DGKA: variants seen among roughly 807,000 people sequenced by gnomAD.
The protein encoded by DGKA is diacylglycerol kinase alpha, also known as 80 kDa diacylglycerol kinase.
Under a neutral mutation model 105.0 loss-of-function variants are expected in DGKA, and 35 were observed. That is an observed-to-expected ratio of 0.33 (90% confidence interval 0.25 to 0.44). The LOEUF (loss-of-function observed/expected upper bound fraction) is 0.44, where lower values mean the gene tolerates loss of function less well. DGKA is among the 20% of genes least tolerant of loss of function. The probability of loss-of-function intolerance (pLI) is 1.00; values close to 1 mark genes in which losing one functional copy is unlikely to be tolerated. For missense variants in DGKA, 665 were observed against 915.0 expected, an observed-to-expected ratio of 0.73 and a Z score of 3.53; for synonymous variants, 296 against 332.0, an observed-to-expected ratio of 0.89 and a Z score of 1.18.
intron 1 of DGKA, among the ~76,000 whole-genome samples, chr12:55,934,616 C>G (rs1884288479): frequency 6.6e-6 from 1 of 152,204 alleles, no homozygotes; most frequent in Non-Finnish European, 1.5e-5. Flanking sequence ...CCAACAAGCC[C>G]TAAATGAGTG....
chr12:55,933,184 C>G (rs1314283185), intron 1 of DGKA, among the ~76,000 whole-genome samples: 1 of 152,208 alleles, frequency 6.6e-6, no homozygotes, highest in Non-Finnish European at 1.5e-5. Flanking sequence ...GGATGGGTGT[C>G]TAGAGTCTGA....
intron 17 of DGKA, among the ~76,000 whole-genome samples, chr12:55,942,985 A>G (rs1886325996): frequency 6.6e-6 from 1 of 152,188 alleles, no homozygotes; most frequent in Non-Finnish European, 1.5e-5. Flanking sequence ...ACTGTAAGTC[A>G]TTCATCATGA....
At chr12:55,944,975 T>C (rs1565752260) in intron 17 of DGKA, among the ~76,000 whole-genome samples, 1 of 152,084 alleles carries the variant, frequency 6.6e-6, no homozygotes, top group African/African-American at 2.4e-5. Context: ...AATTTTTGTA[T>C]TTTAAGTGGA....
In DGKA at chr12:55,940,821, A is replaced by G. The variant is rs778152530; in HGVS notation, c.1018-76A>G. The G allele has an allele frequency of 6.3e-7, 1 of 1,596,774 alleles. No individual in the cohort carries two copies. The highest frequency in any genetic ancestry group is 1.7e-5 in the Admixed American group (1 of 59,744). On this transcript the variant is annotated intron_variant, in intron 12 of 23. Transcript: ENST00000331886. This position sits in a 1 kb window ranked among gnomAD's most constrained non-coding sequence, Gnocchi z 4.3. ...AGAATAGAGAGCTCATACTTTTAGGATTCAAGTCAGACCCCTCTATTTAGG... is the reference window on the plus strand; with the variant it reads ...AGAATAGAGAGCTCATACTTTTAGGGTTCAAGTCAGACCCCTCTATTTAGG...
chr12:55,953,119 T>C lies in DGKA; in HGVS notation c.2022T>C (p.Asn674=), dbSNP rs1004188763. 1.2e-6 allele frequency: 2 copies of C among 1,614,018 alleles called. No homozygotes were observed. The highest frequency in any genetic ancestry group is 2.7e-5 in the African/African-American group (2 of 74,920). ...GCCAAATCTATACCAAGCTCAAGAATGCTGGACGTCGGCTGGCCAAGTGCT... is the reference window on the plus strand; with the variant it reads ...GCCAAATCTATACCAAGCTCAAGAACGCTGGACGTCGGCTGGCCAAGTGCT... ...EMGQIYTKLK[N]AGRRLAKCSE... The change falls in exon 22 of 24, where the codon AAT becomes AAC. Residue 674 remains asparagine (N), a synonymous_variant. Transcript: ENST00000331886.
chr12:55,952,643 C>A lies in DGKA; in HGVS notation c.1744-91C>A. On this transcript the variant is annotated intron_variant, in intron 20 of 23. Coordinates refer to ENST00000331886, the MANE Select transcript of DGKA (RefSeq NM_001345.5). The surrounding 1 kb of genome is among the most constrained non-coding windows in gnomAD (Gnocchi z 5.1). ...CCAAATCCTGCCTTCTCCAGTTTGT[C>A]ATCTGGTGGAGGGAGCGATCACATC... is the stretch of plus-strand genomic sequence containing the variant. 6.9e-7 allele frequency: 1 copy of A among 1,454,330 alleles called. No individual in the cohort carries two copies. Among genetic ancestry groups the A allele is most frequent in the Non-Finnish European group, 9.6e-7 (1 of 1,044,322 alleles). The allele number at this position is 1,454,330 out of a possible 1,614,324, so 90.1% of individuals were successfully genotyped here.
At chr12:55,936,125 C>A (rs552694373) in intron 1 of DGKA, 11 of 790,586 alleles carry the variant, frequency 1.4e-5, no homozygotes, top group African/African-American at 7.4e-5. Context: ...AAGCCGGGTG[C>A]GGGTGGGAAG....
chr12:55,946,986 T>TTC (rs1343873012), intron 17 of DGKA, among the ~76,000 whole-genome samples: 24 of 139,500 alleles, frequency 1.7e-4, no homozygotes, highest in Admixed American at 6.4e-4. Flanking sequence ...CTTTCTTTCT[T>TTC]TTTTTTTTTT....
chr12:55,940,415 T>C lies in DGKA; in HGVS notation c.900T>C (p.Cys300=), dbSNP rs1272377184. The change falls in exon 11 of 24, where the codon TGT becomes TGC. Residue 300 remains cysteine, a synonymous_variant. Transcript: ENST00000331886. The surrounding 1 kb of genome is among the most constrained non-coding windows in gnomAD (Gnocchi z 4.3). ...ACCACAGTCTGACCGGGCTGCATTG[T>C]GTATGGTGCCACCTAGAGGTCAGTT... ...RIYHSLTGLH[C]VWCHLEIHDD... 1 of 1,614,106 alleles carries C rather than the reference T, an allele frequency of 6.2e-7. No individual in the cohort carries two copies.
rs781406211 is a variant in DGKA at position 55,937,448 on chromosome 12, A to G, written c.179A>G (p.Tyr60Cys). 3.7e-6 allele frequency: 6 copies of G among 1,614,050 alleles called. No individual in the cohort carries two copies. The highest frequency in any genetic ancestry group is 2.2e-5 in the East Asian group (1 of 44,906). The change falls in exon 4 of 24, where the codon TAT becomes TGT. Residue 60 changes from tyrosine (Y) to cysteine (C), a missense_variant. Tyr to Cys is a radical substitution (Grantham distance 194, BLOSUM62 -2). Coordinates refer to ENST00000331886, the MANE Select transcript of DGKA (RefSeq NM_001345.5). ...YEGFQQFLKI[Y>C]LEVDNVPRHL... ...GGATTCCAGCAATTCCTGAAAATCT[A>G]TCTCGAAGTGGATAATGTTCCCAGA... is the stretch of plus-strand genomic sequence containing the variant.
Position 55,940,692 on chromosome 12 carries a change from G to C in DGKA, c.987G>C (p.Leu329=). The change falls in exon 12 of 24, where the codon CTG becomes CTC. Residue 329 remains leucine, a synonymous_variant. Coordinates refer to ENST00000331886, the MANE Select transcript of DGKA (RefSeq NM_001345.5). The surrounding 1 kb of genome is among the most constrained non-coding windows in gnomAD (Gnocchi z 4.3). ...CDCGLLRDHI[L]PPSSIYPSVL... ...GTGGGCTGCTCCGGGATCACATCCT[G>C]CCTCCATCTTCCATCTATCCCAGTG... The C allele has an allele frequency of 6.2e-7, 1 of 1,608,454 alleles. No individual in the cohort carries two copies. Among genetic ancestry groups the C allele is most frequent in the Non-Finnish European group, 8.5e-7 (1 of 1,178,498 alleles).
In DGKA at chr12:55,951,988, G is replaced by A. The variant is rs1253883898; in HGVS notation, c.1588-47G>A. ...ACTTGGGAAAGAGGGGAGACCGGGA[G>A]GGAGAGATTGAGCTCTGTACTGACC... On this transcript the variant is annotated intron_variant, in intron 18 of 23. Coordinates refer to ENST00000331886, the MANE Select transcript of DGKA (RefSeq NM_001345.5). The A allele has an allele frequency of 1.0e-5, 16 of 1,606,620 alleles. No individual in the cohort carries two copies. In the African/African-American group the frequency reaches 1.2e-4, roughly 12 times the overall value.
chr12:55,927,822 GCGGCGCCGGGGATT>G, upstream of DGKA: 2 of 1,518,186 alleles, frequency 1.3e-6, no homozygotes, highest in Non-Finnish European at 1.8e-6. Context: ...GCCCCGCTGG[GCGGCGCCGGGGATT>G]CGGCGGCGAA....
At chr12:55,927,997 G>A, upstream of DGKA, 1 of 551,936 alleles carries the variant, frequency 1.8e-6, no homozygotes, top group South Asian at 2.5e-5. Context: ...AGGATCTAAA[G>A]CGGGGCAACT....
chr12:55,953,433 A>G (rs759884525), intron 23 of DGKA, 23 bp downstream of exon 23: 141 of 1,612,788 alleles, frequency 8.7e-5, no homozygotes, highest in Middle Eastern at 1.6e-4. Flanking sequence ...GATCCCAGCC[A>G]AAAATTAAAC....
At chr12:55,937,621 A>G (rs1016271131) in intron 4 of DGKA, 78 bp downstream of exon 4, 19 of 1,551,418 alleles carry the variant, frequency 1.2e-5, no homozygotes, top group Non-Finnish European at 1.7e-5. Context: ...TTGAGAATTA[A>G]CTTGAGTCAC....
At chr12:55,936,232 A>T in intron 1 of DGKA, 191 bp from the exon 2 acceptor site, 1 of 637,566 alleles carries the variant, frequency 1.6e-6, no homozygotes, top group Non-Finnish European at 2.4e-6. Flanking sequence ...GAGACAGAGG[A>T]CAGACACTGT....
In DGKA at chr12:55,932,956, G is replaced by A. The variant is rs1354262401; in HGVS notation, c.-82+1612G>A. 1.4e-5 allele frequency: 3 copies of A among 208,360 alleles called. No individual in the cohort carries two copies. Among genetic ancestry groups the A allele is most frequent in the Non-Finnish European group, 2.9e-5 (3 of 103,452 alleles). 12.9% of individuals were successfully genotyped at this position (208,360 alleles called of 1,614,324 possible). A position where few individuals can be genotyped will look rare whatever the true frequency, so the allele number is the denominator to read the frequency against. ...AATTCGGGGCTCCTGCCCCTCTGGG[G>A]CAGCCTCAATATTCTGGAGACATAG... On this transcript the variant is annotated intron_variant, in intron 1 of 23. Coordinates refer to ENST00000331886, the MANE Select transcript of DGKA (RefSeq NM_001345.5). This position sits in a 1 kb window ranked among gnomAD's most constrained non-coding sequence, Gnocchi z 4.3.
In DGKA at chr12:55,941,084, C is replaced by A. The variant is rs527300105; in HGVS notation, c.1101+104C>A. 7.2e-6 allele frequency: 10 copies of A among 1,390,676 alleles called. No homozygotes were observed. The South Asian group carries it at 1.2e-4, about 16-fold the overall frequency. The allele number at this position is 1,390,676 out of a possible 1,614,324, so 86.1% of individuals were successfully genotyped here. A position where few individuals can be genotyped will look rare whatever the true frequency, so the allele number is the denominator to read the frequency against. ...AGAGCCTGGTGGGGAGCGGTTGATG[C>A]TCACTCTCCAGAAACTCCACCATGG... On this transcript the variant is annotated intron_variant, in intron 13 of 23. Transcript: ENST00000331886.
Sources: allele counts gnomAD v4.1 joint callset (sites outside exome capture counted in the v4.1 genomes callset), GRCh38; gene constraint gnomAD v4.1.1; non-coding constraint Gnocchi (gnomAD v3.1); transcripts MANE v1.5; gene names NCBI Gene and HGNC (gene_info 2026-07-23, HGNC 2026-07-21).